LRRC74A: variants seen among roughly 807,000 people sequenced by gnomAD.
LRRC74A encodes leucine rich repeat containing 74A.
Under a neutral mutation model 57.9 loss-of-function variants are expected in LRRC74A, and 44 were observed. That is an observed-to-expected ratio of 0.76 (90% confidence interval 0.60 to 0.98). The LOEUF (loss-of-function observed/expected upper bound fraction) is 0.98, where lower values mean the gene tolerates loss of function less well. LRRC74A is among the 50% of genes least tolerant of loss of function. LRRC74A has a pLI of 0.00. For missense variants in LRRC74A, 572 were observed against 574.0 expected, an observed-to-expected ratio of 1.00 and a Z score of 0.04; for synonymous variants, 211 against 219.4, an observed-to-expected ratio of 0.96 and a Z score of 0.34.
intron 4 of LRRC74A, among the ~76,000 whole-genome samples, chr14:76,837,403 G>A (rs2140268398): frequency 6.6e-6 from 1 of 152,062 alleles, no homozygotes; most frequent in Non-Finnish European, 1.5e-5. Context: ...GACAATAATG[G>A]CCACTTTATA....
At position 76,837,983 on chromosome 14, in the gene LRRC74A, G is replaced by A. The variant is rs757891459; in HGVS notation, c.544+12G>A. On this transcript the variant is annotated intron_variant, in intron 5 of 13. Coordinates refer to ENST00000689127, the MANE Select transcript of LRRC74A (RefSeq NM_001385106.1). ...CCTTGAGCTTTCAGGTGAGCACATG[G>A]AAAGGGAGGGAGAAGACACTGGGAA... 6.7e-7 allele frequency: 1 copy of A among 1,500,808 alleles called. No individual in the cohort carries two copies. Among genetic ancestry groups the A allele is most frequent in the Non-Finnish European group, 9.1e-7 (1 of 1,097,604 alleles). 93.0% of individuals were successfully genotyped at this position (1,500,808 alleles called of 1,614,324 possible).
chr14:76,833,893 A>G (rs983119570), intron 3 of LRRC74A, among the ~76,000 whole-genome samples: 1 of 152,188 alleles, frequency 6.6e-6, no homozygotes, highest in Non-Finnish European at 1.5e-5. Context: ...GTTTGGTACT[A>G]TCTTTGGTAT....
chr14:76,835,769 C>T (rs1054203682), intron 3 of LRRC74A, among the ~76,000 whole-genome samples: 3 of 152,094 alleles, frequency 2.0e-5, no homozygotes, highest in Non-Finnish European at 4.4e-5. Context: ...CCAGATAAAA[C>T]TTAAGCGTAA....
intron 2 of LRRC74A, 154 bp downstream of exon 2, chr14:76,828,573 T>C: frequency 2.6e-6 from 3 of 1,168,834 alleles, no homozygotes; most frequent in Non-Finnish European, 3.7e-6. Context: ...CGATTTTGCC[T>C]GGAGTCCTCC....
intron 5 of LRRC74A, among the ~76,000 whole-genome samples, chr14:76,840,316 C>T (rs1384422187): frequency 6.6e-6 from 1 of 152,028 alleles, no homozygotes; most frequent in African/African-American, 2.4e-5. Flanking sequence ...AAAATATTTT[C>T]CTTTATTTTC....
intron 11 of LRRC74A, among the ~76,000 whole-genome samples, chr14:76,863,474 C>T (rs1898490731): frequency 6.6e-6 from 1 of 152,182 alleles, no homozygotes; most frequent in South Asian, 2.1e-4. Flanking sequence ...TTCTTGCCCT[C>T]TGGGTCTCGC....
chr14:76,861,207 A>G (rs943248915), intron 11 of LRRC74A, among the ~76,000 whole-genome samples: 8 of 152,266 alleles, frequency 5.3e-5, no homozygotes, highest in Non-Finnish European at 1.2e-4. Context: ...GTAGCCACCC[A>G]GTAGGATTGC....
At chr14:76,840,958 T>C (rs573111933) in intron 5 of LRRC74A, among the ~76,000 whole-genome samples, 2 of 152,364 alleles carry the variant, frequency 1.3e-5, no homozygotes, top group Admixed American at 6.5e-5. Context: ...TTACTACATA[T>C]TATAACATAA....
At position 76,835,465 on chromosome 14, in the gene LRRC74A, C is replaced by T. The variant is rs185376577; in HGVS notation, c.340-742C>T. Among the ~76,000 whole-genome samples the T allele has an allele frequency of 6.4e-5, 9 of 141,236 alleles. No individual in the cohort carries two copies. The South Asian group carries it at 7.0e-4, about 11-fold the overall frequency. The allele number at this position is 141,236 out of a possible 152,430, so 92.7% of individuals were successfully genotyped here. A position where few individuals can be genotyped will look rare whatever the true frequency, so the allele number is the denominator to read the frequency against. On this transcript the variant is annotated intron_variant, in intron 3 of 13. Coordinates refer to ENST00000689127, the MANE Select transcript of LRRC74A (RefSeq NM_001385106.1). ...TCACGCCACTGCACTCCATCCTGGGCGACAGAGCAAGACTCCATCTCAAAA... is the reference window on the plus strand; with the variant it reads ...TCACGCCACTGCACTCCATCCTGGGTGACAGAGCAAGACTCCATCTCAAAA...
intron 7 of LRRC74A, among the ~76,000 whole-genome samples, chr14:76,851,471 C>A (rs1317209006): frequency 6.6e-6 from 1 of 152,174 alleles, no homozygotes; most frequent in African/African-American, 2.4e-5. Flanking sequence ...AGTTCTCCTG[C>A]CTCAGCTTCC....
At chr14:76,861,545 A>C (rs1440741426) in intron 11 of LRRC74A, among the ~76,000 whole-genome samples, 1 of 152,236 alleles carries the variant, frequency 6.6e-6, no homozygotes, top group Non-Finnish European at 1.5e-5. Context: ...GGTTCAGCCA[A>C]AGAGAAACAC....
chr14:76,858,959 T>C (rs998409924), intron 10 of LRRC74A, among the ~76,000 whole-genome samples: 3 of 152,200 alleles, frequency 2.0e-5, no homozygotes, highest in Non-Finnish European at 2.9e-5. Flanking sequence ...TGTGGGTTTT[T>C]ACTTGCCACG....
At chr14:76,826,882 G>A (rs1300351934) in intron 1 of LRRC74A, 148 bp downstream of exon 1, 1 of 476,538 alleles carries the variant, frequency 2.1e-6, no homozygotes, top group African/African-American at 2.0e-5. Context: ...CTTGGGTTCA[G>A]GCCTTGGCAA....
At chr14:76,834,347 T>C (rs1896171868) in intron 3 of LRRC74A, among the ~76,000 whole-genome samples, 1 of 152,222 alleles carries the variant, frequency 6.6e-6, no homozygotes, top group Non-Finnish European at 1.5e-5. Flanking sequence ...TTGGACCACT[T>C]GTTTCGTAGT....
intron 9 of LRRC74A, 108 bp downstream of exon 9, chr14:76,853,518 G>C: frequency 9.4e-7 from 1 of 1,060,888 alleles, no homozygotes; most frequent in Non-Finnish European, 1.4e-6. Flanking sequence ...GAATAATTGG[G>C]AATATCTGTA....
intron 2 of LRRC74A, 78 bp from the exon 3 acceptor site, chr14:76,831,125 G>A: frequency 7.0e-7 from 1 of 1,433,612 alleles, no homozygotes; most frequent in South Asian, 1.3e-5. Context: ...CTAGACATGA[G>A]TGAATGTCAC....
At chr14:76,844,508 G>GATGTC in intron 6 of LRRC74A, 36 bp downstream of exon 6, 1 of 1,604,762 alleles carries the variant, frequency 6.2e-7, no homozygotes, top group African/African-American at 1.3e-5. Context: ...CCACGTGGGC[G>GATGTC]ATGTCCCTGG....
At chr14:76,867,751 G>A (rs1289025854) in intron 13 of LRRC74A, among the ~76,000 whole-genome samples, 1 of 152,158 alleles carries the variant, frequency 6.6e-6, no homozygotes, top group Admixed American at 6.5e-5. Context: ...TTATGCCCTG[G>A]TGAGGTGAGA....
chr14:76,853,430 GGTGTGTGTGTGTGTGT>G lies in LRRC74A; in HGVS notation c.957+37_957+52del, dbSNP rs140347611. The G allele has an allele frequency of 8.5e-6, 10 of 1,180,204 alleles. No individual in the cohort carries two copies. Among genetic ancestry groups the G allele is most frequent in the South Asian group, 2.8e-5 (2 of 71,304 alleles). The allele number at this position is 1,180,204 out of a possible 1,614,324, so 73.1% of individuals were successfully genotyped here. On this transcript the variant is annotated intron_variant, in intron 9 of 13. Transcript: ENST00000689127. ...CTGAAGGTAGTCTTCAGCTGGAAAG[GGTGTGTGTGTGTGTGT>G]GTGTGTGTGTGTGTGTTTGTGTATG...
Sources: allele counts gnomAD v4.1 joint callset (sites outside exome capture counted in the v4.1 genomes callset), GRCh38; gene constraint gnomAD v4.1.1; transcripts MANE v1.5; gene names NCBI Gene and HGNC (gene_info 2026-07-23, HGNC 2026-07-21).